Variants in IGFL2 observed in about 807,000 individuals in gnomAD.
IGFL2 encodes the protein IGF like family member 2, also known as insulin growth factor-like family member 2.
In IGFL2, 7 loss-of-function variants were observed where a neutral mutation model predicts 13.9. The ratio of observed to expected loss-of-function variants is 0.51; its 90% CI spans 0.29 to 0.95. The LOEUF (loss-of-function observed/expected upper bound fraction) is 0.95. Ranked by LOEUF, IGFL2 falls within the 40% of genes least tolerant of loss-of-function variation. The pLI is 0.08. For synonymous variants in IGFL2, 55 were observed against 55.8 expected (o/e 0.99, Z 0.07); for missense variants, 138 against 147.8 (o/e 0.93, Z 0.34).
the IGFL2 span, among the ~76,000 whole-genome samples, chr19:46,105,406 T>C: frequency 6.6e-6 from 1 of 152,136 alleles, no homozygotes; most frequent in Non-Finnish European, 1.5e-5. Context: ...TTGCTAGTGA[T>C]TGGTGATTAG....
the IGFL2 span, chr19:46,111,711 A>G: frequency 5.3e-5 from 8 of 152,232 alleles, no homozygotes; most frequent in Non-Finnish European, 1.2e-4. Context: ...GTAGCTCAAT[A>G]GGTATTGTTA....
chr19:46,170,837 C>T, the IGFL2 span, among the ~76,000 whole-genome samples: 3 of 152,298 alleles, frequency 2.0e-5, no homozygotes, highest in East Asian at 5.8e-4. Flanking sequence ...CAGTTCTCTG[C>T]TCTTGAACCC....
chr19:46,102,087 G>A, the IGFL2 span, among the ~76,000 whole-genome samples: 2,020 of 152,310 alleles, frequency 0.013, 31 homozygotes, highest in Middle Eastern at 0.027. Context: ...TAACAAAGAA[G>A]TAAATTTTCC....
the IGFL2 span, among the ~76,000 whole-genome samples, chr19:46,211,200 T>C: frequency 2.6e-5 from 4 of 152,214 alleles, no homozygotes; most frequent in Non-Finnish European, 5.9e-5. Context: ...ATGGAGGCTC[T>C]TAATTCACTG....
At chr19:46,121,429 C>G in the IGFL2 span, among the ~76,000 whole-genome samples, 11 of 147,360 alleles carry the variant, frequency 7.5e-5, 1 homozygote, top group African/African-American at 2.8e-4. Flanking sequence ...AAGAAAATTT[C>G]TAAGATTTTC....
chr19:46,103,314 C>G, the IGFL2 span, among the ~76,000 whole-genome samples: 152 of 152,100 alleles, frequency 1.0e-3, 4 homozygotes, highest in Middle Eastern at 0.02. Flanking sequence ...AAAAGAAATG[C>G]AAAGCCAACA....
the IGFL2 span, among the ~76,000 whole-genome samples, chr19:46,188,414 GC>G: frequency 0.014 from 2,147 of 151,556 alleles, 54 homozygotes; most frequent in African/African-American, 0.047. Context: ...TCCTGTGACC[GC>G]CCCCCCCACT....
chr19:46,087,107 C>T, the IGFL2 span, among the ~76,000 whole-genome samples: 1 of 152,152 alleles, frequency 6.6e-6, no homozygotes, highest in Non-Finnish European at 1.5e-5. Flanking sequence ...GTTGGTCCTC[C>T]AGGTCGCTTG....
chr19:46,193,848 G>A, the IGFL2 span, among the ~76,000 whole-genome samples: 2 of 152,214 alleles, frequency 1.3e-5, no homozygotes, highest in African/African-American at 4.8e-5. Flanking sequence ...TTCAGGAAGA[G>A]ATGGGTATTT....
chr19:46,140,800 G>A (rs1346505633), upstream of IGFL2, among the ~76,000 whole-genome samples: 1 of 152,160 alleles, frequency 6.6e-6, no homozygotes, highest in Non-Finnish European at 1.5e-5. Context: ...GGCTCAGGGT[G>A]GAGCAGTCTG....
intron 1 of IGFL2, chr19:46,159,097 A>C (rs556087215): frequency 3.3e-5 from 5 of 151,976 alleles, no homozygotes; most frequent in Non-Finnish European, 7.4e-5. Context: ...CCTCACAACA[A>C]CTCCATGAAA....
At chr19:46,177,868 C>T in the IGFL2 span, among the ~76,000 whole-genome samples, 2 of 152,124 alleles carry the variant, frequency 1.3e-5, no homozygotes, top group Admixed American at 6.5e-5. Flanking sequence ...CAAGGTGACC[C>T]AAGAGAAATC....
the IGFL2 span, among the ~76,000 whole-genome samples, chr19:46,179,862 G>T: frequency 6.6e-6 from 1 of 152,122 alleles, no homozygotes; most frequent in Non-Finnish European, 1.5e-5. Flanking sequence ...GTTGCAGTGA[G>T]CTGAGATTGT....
chr19:46,211,737 C>T, the IGFL2 span: 1 of 152,254 alleles, frequency 6.6e-6, no homozygotes, highest in South Asian at 2.1e-4. Flanking sequence ...TGACCTCTCA[C>T]CCATGGGCTT....
chr19:46,132,572 G>C, the IGFL2 span, among the ~76,000 whole-genome samples: 1 of 152,110 alleles, frequency 6.6e-6, no homozygotes, highest in African/African-American at 2.4e-5. Context: ...AAGTGAAGTG[G>C]TGAGGGGTTT....
chr19:46,123,842 C>A, the IGFL2 span: 1 of 1,558,254 alleles, frequency 6.4e-7, no homozygotes, highest in South Asian at 1.2e-5. Flanking sequence ...TATCCCTCAT[C>A]CCTCCCTCAT....
the IGFL2 span, among the ~76,000 whole-genome samples, chr19:46,117,293 C>T: frequency 6.6e-6 from 1 of 152,038 alleles, no homozygotes; most frequent in Non-Finnish European, 1.5e-5. Flanking sequence ...CTATGTTGCC[C>T]AGGCTGGTCT....
the IGFL2 span, among the ~76,000 whole-genome samples, chr19:46,083,208 G>A: frequency 2.0e-4 from 31 of 152,326 alleles, 1 homozygote; most frequent in African/African-American, 6.0e-4. Flanking sequence ...ACTGGATGCA[G>A]TGCACAAAGA....
At chr19:46,088,100 T>C in the IGFL2 span, among the ~76,000 whole-genome samples, 2,050 of 152,314 alleles carry the variant, frequency 0.013, 32 homozygotes, top group Middle Eastern at 0.027. Flanking sequence ...CCCAGTTGAT[T>C]CTGGCTCGGC....
Sources: gnomAD v4.1 joint callset for allele counts (sites outside exome capture counted in the v4.1 genomes callset) on GRCh38, gnomAD v4.1.1 for gene constraint, MANE v1.5 for transcripts, NCBI Gene and HGNC (gene_info 2026-07-23, HGNC 2026-07-21) for gene names.